Variants in PLA2G4C observed in about 807,000 individuals in gnomAD.
PLA2G4C encodes cytosolic phospholipase A2 gamma.
Under a neutral mutation model 73.8 loss-of-function variants are expected in PLA2G4C, and 64 were observed. The ratio of observed to expected loss-of-function variants is 0.87; its 90% CI spans 0.71 to 1.07. The LOEUF (loss-of-function observed/expected upper bound fraction) is 1.07. Ranked by LOEUF, PLA2G4C falls within the 50% of genes least tolerant of loss-of-function variation. The pLI, the probability that PLA2G4C is intolerant of heterozygous loss-of-function variation, is 0.00. For synonymous variants in PLA2G4C, 254 were observed against 252.1 expected, an observed-to-expected ratio of 1.01 and a Z score of -0.07; for missense variants, 622 against 665.4, an observed-to-expected ratio of 0.93 and a Z score of 0.72.
At chr19:48,054,831 A>G (rs749717917) in intron 15 of PLA2G4C, 47 bp downstream of exon 15, 1 of 1,535,496 alleles carries the variant, frequency 6.5e-7, no homozygotes, top group Non-Finnish European at 9.0e-7. Context: ...CAGTGTGAGC[A>G]TGGACTAATA....
intron 4 of PLA2G4C, among the ~76,000 whole-genome samples, chr19:48,102,005 C>T (rs964460342): frequency 1.3e-5 from 2 of 151,940 alleles, no homozygotes; most frequent in African/African-American, 4.8e-5. Flanking sequence ...CTTCTGCATC[C>T]AACTTGGAAT....
chr19:48,059,815 C>T (rs141174181), intron 14 of PLA2G4C, among the ~76,000 whole-genome samples: 7,647 of 142,870 alleles, frequency 0.054, 296 homozygotes, highest in African/African-American at 0.11. Flanking sequence ...GTTCACCAGG[C>T]TGGAGTGCAA....
At chr19:48,105,231 T>C in intron 3 of PLA2G4C, 102 bp downstream of exon 3, 2 of 732,764 alleles carry the variant, frequency 2.7e-6, no homozygotes, top group Admixed American at 4.7e-5. Context: ...TAGAAGTTCA[T>C]ATCCTTCGGT....
intron 7 of PLA2G4C, among the ~76,000 whole-genome samples, chr19:48,092,515 C>T (rs1222141597): frequency 1.3e-5 from 2 of 152,120 alleles, no homozygotes; most frequent in Non-Finnish European, 2.9e-5. Context: ...ATGTGTCCAT[C>T]GATGGATGAA....
At chr19:48,084,589 G>A (rs1048459438) in intron 10 of PLA2G4C, among the ~76,000 whole-genome samples, 7 of 152,264 alleles carry the variant, frequency 4.6e-5, no homozygotes, top group African/African-American at 1.7e-4. Context: ...CTGAACTCCT[G>A]GCCTCAAATG....
intron 7 of PLA2G4C, among the ~76,000 whole-genome samples, chr19:48,094,266 T>C (rs935201355): frequency 1.3e-5 from 2 of 152,238 alleles, no homozygotes; most frequent in African/African-American, 4.8e-5. Context: ...TTTTTCAAGA[T>C]AGCATTTACT....
chr19:48,050,470 T>TA (rs1463660719), intron 16 of PLA2G4C, among the ~76,000 whole-genome samples: 1 of 152,062 alleles, frequency 6.6e-6, no homozygotes, highest in Non-Finnish European at 1.5e-5. Flanking sequence ...GCACAGGAGC[T>TA]AGGGTGGGCC....
At chr19:48,070,192 G>A (rs193173494) in intron 12 of PLA2G4C, among the ~76,000 whole-genome samples, 1 of 152,304 alleles carries the variant, frequency 6.6e-6, no homozygotes, top group East Asian at 1.9e-4. Context: ...GATGTTGGGA[G>A]GATGGTTTAA....
chr19:48,104,697 C>T lies in PLA2G4C; in HGVS notation c.148G>A (p.Gly50Ser). ...GCAATGTGAGCCCGCAGTCCTCCGCCTGAGCCCAGCACAGCAACAACTGGG... is the reference window on the plus strand; with the variant it reads ...GCAATGTGAGCCCGCAGTCCTCCGCTTGAGCCCAGCACAGCAACAACTGGG... ...EAPVVAVLGS[G>S]GGLRAHIACL... The change falls in exon 4 of 17, where the codon GGC becomes AGC. Residue 50 changes from glycine to serine, a missense_variant. By Grantham distance (56) the Gly-to-Ser change is moderately conservative (BLOSUM62 0). Transcript: ENST00000599921. 6.2e-7 allele frequency: 1 copy of T among 1,614,118 alleles called. No individual in the cohort carries two copies. Among genetic ancestry groups the T allele is most frequent in the South Asian group, 1.1e-5 (1 of 91,074 alleles).
chr19:48,083,911 C>A (rs1236403945), intron 10 of PLA2G4C, among the ~76,000 whole-genome samples: 2 of 152,054 alleles, frequency 1.3e-5, no homozygotes, highest in East Asian at 3.9e-4. Flanking sequence ...ACTCACCAAC[C>A]AGTTACATAG....
At chr19:48,050,845 T>G (rs986257585) in intron 16 of PLA2G4C, among the ~76,000 whole-genome samples, 4 of 151,824 alleles carry the variant, frequency 2.6e-5, no homozygotes, top group African/African-American at 9.7e-5. Flanking sequence ...TTGCTATTTT[T>G]TTGTACTTTT....
chr19:48,054,448 C>T (rs1248010834), intron 15 of PLA2G4C, among the ~76,000 whole-genome samples: 2 of 151,946 alleles, frequency 1.3e-5, no homozygotes, highest in African/African-American at 4.8e-5. Context: ...GGATTACAGG[C>T]ACGCACCACC....
chr19:48,079,974 T>C lies in PLA2G4C; in HGVS notation c.845-2150A>G, dbSNP rs113901169. On this transcript the variant is annotated intron_variant, in intron 10 of 16. Coordinates refer to ENST00000599921, the MANE Select transcript of PLA2G4C (RefSeq NM_003706.3). ...AGACTCCGTCTCAAAAATAAACAAATATATGGGACCTGAGTAAATTAAAAA... is the reference window on the plus strand; with the variant it reads ...AGACTCCGTCTCAAAAATAAACAAACATATGGGACCTGAGTAAATTAAAAA... Among the ~76,000 whole-genome samples the C allele has an allele frequency of 2.3e-4, 35 of 152,016 alleles. 1 individual carries two copies. The East Asian group carries it at 6.6e-3, about 29-fold the overall frequency.
At chr19:48,101,126 A>ATATATATATATATT (rs1491313107) in intron 4 of PLA2G4C, among the ~76,000 whole-genome samples, 50 of 74,126 alleles carry the variant, frequency 6.7e-4, no homozygotes, top group African/African-American at 3.0e-3. Context: ...ATATATATAT[A>ATATATATATATATT]TTTTTTTTTT....
chr19:48,085,885 G>C (rs899733239), intron 9 of PLA2G4C, among the ~76,000 whole-genome samples: 5 of 152,122 alleles, frequency 3.3e-5, no homozygotes, highest in Non-Finnish European at 5.9e-5. Context: ...GAGGTTCGTG[G>C]AATATAAGTA....
At chr19:48,099,608 C>A in intron 5 of PLA2G4C, 63 bp downstream of exon 5, 1 of 1,218,388 alleles carries the variant, frequency 8.2e-7, no homozygotes, top group South Asian at 1.4e-5. Flanking sequence ...TCTTTGGTAA[C>A]CCCACACCCT....
chr19:48,055,433 C>G (rs1321994814), intron 14 of PLA2G4C, among the ~76,000 whole-genome samples: 1 of 140,276 alleles, frequency 7.1e-6, no homozygotes, highest in Non-Finnish European at 1.5e-5. Flanking sequence ...GGCATGGGGG[C>G]GTGCACCTGT....
At chr19:48,087,687 C>A (rs920755385) in intron 9 of PLA2G4C, among the ~76,000 whole-genome samples, 1 of 152,092 alleles carries the variant, frequency 6.6e-6, no homozygotes, top group Non-Finnish European at 1.5e-5. Context: ...GTAATCCCAG[C>A]ACTTTGGGAG....
intron 10 of PLA2G4C, among the ~76,000 whole-genome samples, chr19:48,078,816 G>A (rs11564590): frequency 0.02 from 3,007 of 151,318 alleles, 97 homozygotes; most frequent in African/African-American, 0.068. Flanking sequence ...TACAAGTCCA[G>A]TGTAATTCCC....
Sources: gnomAD v4.1 joint callset for allele counts (sites outside exome capture counted in the v4.1 genomes callset) on GRCh38, gnomAD v4.1.1 for gene constraint, MANE v1.5 for transcripts, NCBI Gene and HGNC (gene_info 2026-07-23, HGNC 2026-07-21) for gene names.